The following METTL6 variants were observed in gnomAD, a reference collection of about 807,000 sequenced individuals.
METTL6 encodes methyltransferase 6, tRNA N3-cytidine, also known as tRNA N(3)-cytidine methyltransferase METTL6.
A neutral mutation model predicts 26.4 loss-of-function variants in METTL6; 22 were observed. That is an observed-to-expected ratio of 0.83 (90% confidence interval 0.59 to 1.19). The LOEUF is 1.19. Ranked by LOEUF, METTL6 falls within the 50% of genes most tolerant of loss-of-function variation. The pLI is 0.00. For missense variants in METTL6, 304 were observed against 324.8 expected (o/e 0.94, Z 0.49); for synonymous variants, 109 against 116.2 (o/e 0.94, Z 0.40).
At chr3:15,382,511 A>T (rs1353647443) in exon 7 of METTL6, 3 of 152,054 alleles carry the variant, frequency 2.0e-5, no homozygotes, top group Non-Finnish European at 4.4e-5. Context: ...TCTTTACAAA[A>T]ATAAAATTAG....
intron 6 of METTL6, among the ~76,000 whole-genome samples, chr3:15,394,276 T>A (rs1243250565): frequency 6.6e-6 from 1 of 152,236 alleles, no homozygotes; most frequent in Non-Finnish European, 1.5e-5. Context: ...TTTTCTAGTT[T>A]ATTTGCATAG....
intron 3 of METTL6, among the ~76,000 whole-genome samples, chr3:15,418,372 C>T (rs73818923): frequency 0.024 from 3,658 of 152,172 alleles, 138 homozygotes; most frequent in African/African-American, 0.082. Context: ...AAGAGAAATG[C>T]TAAAAACCAA....
downstream of METTL6, among the ~76,000 whole-genome samples, chr3:15,408,259 G>T (rs76458327): frequency 3.8e-4 from 58 of 152,224 alleles, no homozygotes; most frequent in East Asian, 0.011. Flanking sequence ...AGTCATGCTG[G>T]ACGCGTCATA....
intron 6 of METTL6, among the ~76,000 whole-genome samples, chr3:15,386,676 G>A (rs2124888878): frequency 6.6e-6 from 1 of 152,264 alleles, no homozygotes; most frequent in Non-Finnish European, 1.5e-5. Flanking sequence ...GTTCCCAGAG[G>A]AAGGTCATAC....
chr3:15,406,422 T>C (rs888365694), downstream of METTL6, among the ~76,000 whole-genome samples: 6 of 151,664 alleles, frequency 4.0e-5, no homozygotes, highest in Admixed American at 3.9e-4. Flanking sequence ...GCCTTTAATA[T>C]GCTTGTGAAC....
At chr3:15,392,146 C>G (rs2124905443) in intron 6 of METTL6, among the ~76,000 whole-genome samples, 1 of 152,328 alleles carries the variant, frequency 6.6e-6, no homozygotes, top group East Asian at 1.9e-4. Context: ...TTCTCCACAT[C>G]CTCTCCAGCA....
chr3:15,385,707 A>C (rs181923221), intron 6 of METTL6, among the ~76,000 whole-genome samples: 113 of 152,272 alleles, frequency 7.4e-4, no homozygotes, highest in Non-Finnish European at 8.8e-5. Flanking sequence ...AAAAACAAAA[A>C]CAAAAACCAA....
Position 15,409,869 on chromosome 3 carries a change from A to G in METTL6, c.*1387T>C, listed in dbSNP as rs1448435652. Among the ~76,000 whole-genome samples the G allele has an allele frequency of 6.6e-6, 1 of 152,200 alleles. No homozygotes were observed. Among genetic ancestry groups the G allele is most frequent in the Non-Finnish European group, 1.5e-5 (1 of 68,034 alleles). On this transcript the variant is annotated 3_prime_UTR_variant, in exon 6 of 6. Transcript: ENST00000383790. The stretch of plus-strand genomic sequence containing the variant: ...CAATGGGCAAATATGACACTCGAAA[A>G]AGAAGAAAACAGAACACTCCTTTAG...
chr3:15,386,817 G>C (rs1699213129), intron 6 of METTL6, among the ~76,000 whole-genome samples: 2 of 151,292 alleles, frequency 1.3e-5, no homozygotes, highest in Non-Finnish European at 2.9e-5. Flanking sequence ...TTTTGAGACA[G>C]AGTTTCACTC....
chr3:15,384,656 T>C (rs1699147008), intron 6 of METTL6: 1 of 152,740 alleles, frequency 6.5e-6, no homozygotes, highest in Non-Finnish European at 1.5e-5. Flanking sequence ...GGAGGATCAC[T>C]TGAGCCCAGG....
chr3:15,401,616 T>A (rs1489340178), intron 6 of METTL6, among the ~76,000 whole-genome samples: 1 of 148,592 alleles, frequency 6.7e-6, no homozygotes, highest in Non-Finnish European at 1.5e-5. Flanking sequence ...CTGGTTGCGG[T>A]AAAGAAGCCA....
chr3:15,412,005 T>A lies in METTL6; in HGVS notation c.674-568A>T, dbSNP rs372648076. Among the ~76,000 whole-genome samples, 15 of 152,062 alleles carry A rather than the reference T, an allele frequency of 9.9e-5. No homozygotes were observed. The South Asian group carries it at 2.5e-3, about 25-fold the overall frequency. Reference sequence around the variant, plus strand: ...GTCTCAAACCCCTGACCTCAAATGATCCCCCAATCTTGGCCTCCCAAAGTG... The same window carrying A: ...GTCTCAAACCCCTGACCTCAAATGAACCCCCAATCTTGGCCTCCCAAAGTG... On this transcript the variant is annotated intron_variant, in intron 5 of 5. Coordinates refer to ENST00000383790, the MANE Select transcript of METTL6 (RefSeq NM_152396.4).
At chr3:15,420,995 T>G (rs745426081) in intron 3 of METTL6, among the ~76,000 whole-genome samples, 2 of 152,180 alleles carry the variant, frequency 1.3e-5, no homozygotes, top group East Asian at 3.8e-4. Flanking sequence ...CCTCTGGGAG[T>G]GACCTTTGTT....
chr3:15,388,602 C>T (rs1699260612), intron 6 of METTL6, among the ~76,000 whole-genome samples: 1 of 152,154 alleles, frequency 6.6e-6, no homozygotes, highest in South Asian at 2.1e-4. Flanking sequence ...GTTGATCCAT[C>T]AAGTGCAGGG....
Position 15,425,101 on chromosome 3 carries a change from CA to C in METTL6, c.226-13del. On this transcript the variant is annotated splice_polypyrimidine_tract_variant and intron_variant, in intron 2 of 5. Coordinates refer to ENST00000383790, the MANE Select transcript of METTL6 (RefSeq NM_152396.4). ...TTTTGATCTTCAAACTGGGGAAAGA[CA>C]GCTCAAAGTTATAGTATATCACATT... 6.2e-7 allele frequency: 1 copy of C among 1,613,848 alleles called. No homozygotes were observed. The highest frequency in any genetic ancestry group is 8.5e-7 in the Non-Finnish European group (1 of 1,179,912).
At chr3:15,399,142 T>C (rs980257275) in intron 6 of METTL6, among the ~76,000 whole-genome samples, 19 of 152,240 alleles carry the variant, frequency 1.2e-4, no homozygotes, top group African/African-American at 4.3e-4. Context: ...AGTTACCCTA[T>C]ATGGTCTAAA....
At chr3:15,385,863 G>A (rs1699178808) in intron 6 of METTL6, among the ~76,000 whole-genome samples, 2 of 152,104 alleles carry the variant, frequency 1.3e-5, no homozygotes, top group South Asian at 2.1e-4. Context: ...TCCTGTAGGT[G>A]AACCAATAAA....
intron 6 of METTL6, among the ~76,000 whole-genome samples, chr3:15,387,937 G>A (rs1028990598): frequency 6.6e-6 from 1 of 151,262 alleles, no homozygotes; most frequent in African/African-American, 2.4e-5. Context: ...AACCACCCAT[G>A]GGTTCACCTT....
intron 3 of METTL6, among the ~76,000 whole-genome samples, chr3:15,417,386 C>T (rs1184664877): frequency 1.3e-5 from 2 of 151,454 alleles, no homozygotes; most frequent in South Asian, 4.2e-4. Context: ...ACCTGGGAGG[C>T]GGAGGTTGTA....
Sources: gnomAD v4.1 joint callset for allele counts (sites outside exome capture counted in the v4.1 genomes callset) on GRCh38, gnomAD v4.1.1 for gene constraint, MANE v1.5 for transcripts, NCBI Gene and HGNC (gene_info 2026-07-23, HGNC 2026-07-21) for gene names.